Variants in ST3GAL3 observed in about 807,000 individuals in gnomAD.
The protein encoded by ST3GAL3 is ST3 beta-galactoside alpha-2,3-sialyltransferase 3.
In ST3GAL3, 21 loss-of-function variants were observed where a neutral mutation model predicts 50.1. That is an observed-to-expected ratio of 0.42 (90% CI 0.30 to 0.60). The LOEUF (loss-of-function observed/expected upper bound fraction) is 0.60. Ranked by LOEUF, ST3GAL3 falls within the 20% of genes least tolerant of loss-of-function variation. The pLI is 0.19. For synonymous variants in ST3GAL3, 183 were observed against 190.0 expected (o/e 0.96, Z 0.30); for missense variants, 353 against 489.4 (o/e 0.72, Z 2.63).
chr1:43,872,442 G>A (rs1012574831), intron 5 of ST3GAL3, among the ~76,000 whole-genome samples: 2 of 151,616 alleles, frequency 1.3e-5, no homozygotes, highest in Non-Finnish European at 2.9e-5. Flanking sequence ...GCCTCTGACC[G>A]GGCACTCCCT....
chr1:43,856,245 TAC>T (rs1475371314), intron 5 of ST3GAL3, among the ~76,000 whole-genome samples: 2 of 152,262 alleles, frequency 1.3e-5, no homozygotes, highest in Non-Finnish European at 1.5e-5. Flanking sequence ...TGTTTTTACA[TAC>T]ACACACAATC....
intron 4 of ST3GAL3, chr1:43,824,846 C>G: frequency 9.1e-7 from 1 of 1,097,718 alleles, no homozygotes; most frequent in Non-Finnish European, 1.4e-6. Flanking sequence ...TTTGAAGTCA[C>G]TGAGCGAGGA....
At position 43,930,853 on chromosome 1, in the gene ST3GAL3, G is replaced by C. The variant is rs150775241; in HGVS notation, c.*632G>C. On this transcript the variant is annotated 3_prime_UTR_variant, in exon 12 of 12. Coordinates refer to ENST00000347631, the MANE Select transcript of ST3GAL3 (RefSeq NM_006279.5). ...AGCTGTCCCATGGGGAAACCCTGGA[G>C]CCATCCCTTCGGAGCCAACAAGACC... The C allele has an allele frequency of 4.7e-4, 81 of 172,152 alleles. No homozygotes were observed. The highest frequency in any genetic ancestry group is 1.9e-3 in the African/African-American group (78 of 42,006). 10.7% of individuals were successfully genotyped at this position (172,152 alleles called of 1,614,324 possible).
At chr1:43,779,129 A>T (rs1698490188) in intron 2 of ST3GAL3, among the ~76,000 whole-genome samples, 1 of 150,566 alleles carries the variant, frequency 6.6e-6, no homozygotes, top group African/African-American at 2.5e-5. Flanking sequence ...TTTGGTAGAG[A>T]TTGGGTTTTG....
At chr1:43,738,209 CAGAG>C (rs1679297156) in intron 2 of ST3GAL3, 1 of 152,092 alleles carries the variant, frequency 6.6e-6, no homozygotes, top group Non-Finnish European at 1.5e-5. Context: ...CAAAAGAAGA[CAGAG>C]AGGCTTATTA....
At chr1:43,839,469 G>A (rs941761482) in intron 5 of ST3GAL3, 3 of 152,078 alleles carry the variant, frequency 2.0e-5, no homozygotes, top group Non-Finnish European at 2.9e-5. Context: ...TATAGGTTTC[G>A]TTTGCTTTTT....
At chr1:43,795,141 A>G (rs1475934803) in intron 3 of ST3GAL3, among the ~76,000 whole-genome samples, 1 of 152,216 alleles carries the variant, frequency 6.6e-6, no homozygotes, top group Non-Finnish European at 1.5e-5. Context: ...TGTACAGCTA[A>G]TAATGTTCAA....
intron 2 of ST3GAL3, among the ~76,000 whole-genome samples, chr1:43,756,463 T>A (rs1411398605): frequency 1.3e-5 from 2 of 152,170 alleles, no homozygotes; most frequent in East Asian, 3.8e-4. Context: ...ATATGTAAAT[T>A]ATTCCTTTAT....
chr1:43,728,232 C>G (rs1008502174), intron 1 of ST3GAL3, among the ~76,000 whole-genome samples: 5 of 152,110 alleles, frequency 3.3e-5, no homozygotes, highest in African/African-American at 7.2e-5. Flanking sequence ...CACCCTGCTT[C>G]TTGTTAGTGG....
intron 5 of ST3GAL3, among the ~76,000 whole-genome samples, chr1:43,856,920 G>A (rs897142070): frequency 2.0e-5 from 3 of 151,818 alleles, no homozygotes; most frequent in Non-Finnish European, 2.9e-5. Flanking sequence ...GTGGAGCTGC[G>A]GTAGACATCC....
In ST3GAL3 at chr1:43,816,213, T is replaced by A. The variant is rs181268877; in HGVS notation, c.209+1280T>A. Among the ~76,000 whole-genome samples the A allele has an allele frequency of 3.3e-3, 510 of 152,334 alleles. 7 individuals are homozygous for A. The highest frequency in any genetic ancestry group is 0.031 in the Admixed American group (474 of 15,300). On this transcript the variant is annotated intron_variant, in intron 4 of 11. Transcript: ENST00000347631. ...AGACCTTTTCCACAGTTGACTCTGA[T>A]GACGATGGCCACACCTACGTACAAG... is the stretch of plus-strand genomic sequence containing the variant.
intron 6 of ST3GAL3, among the ~76,000 whole-genome samples, chr1:43,897,263 A>T (rs145271112): frequency 0.014 from 2,067 of 152,216 alleles, 19 homozygotes; most frequent in Non-Finnish European, 0.018. Context: ...TGGTTATTTG[A>T]TGTTATTAAG....
At chr1:43,842,986 T>A (rs1364373942) in intron 5 of ST3GAL3, among the ~76,000 whole-genome samples, 7 of 152,216 alleles carry the variant, frequency 4.6e-5, no homozygotes, top group Non-Finnish European at 4.4e-5. Context: ...TTTATGACTT[T>A]GTGCCAGTAC....
chr1:43,792,465 G>A (rs568549229), intron 3 of ST3GAL3, among the ~76,000 whole-genome samples: 199 of 152,312 alleles, frequency 1.3e-3, no homozygotes, highest in African/African-American at 4.5e-3. Flanking sequence ...GTGGGGCAGA[G>A]GGCATTGAAA....
chr1:43,784,182 T>C (rs2056971184), intron 2 of ST3GAL3, among the ~76,000 whole-genome samples: 2 of 152,094 alleles, frequency 1.3e-5, no homozygotes, highest in Non-Finnish European at 2.9e-5. Context: ...CTCCATATCT[T>C]CCCAGTTTCT....
chr1:43,919,815 C>T (rs1217455517), intron 9 of ST3GAL3: 7 of 169,346 alleles, frequency 4.1e-5, no homozygotes, highest in East Asian at 1.6e-4. Context: ...AGAATGATCC[C>T]GTTTTATGGT....
intron 4 of ST3GAL3, among the ~76,000 whole-genome samples, chr1:43,826,284 G>T (rs1017168824): frequency 1.3e-5 from 2 of 152,074 alleles, no homozygotes; most frequent in Non-Finnish European, 2.9e-5. Flanking sequence ...GATAATAAAA[G>T]AACATTGTGA....
chr1:43,769,726 C>T (rs917096653), intron 2 of ST3GAL3, among the ~76,000 whole-genome samples: 10 of 151,898 alleles, frequency 6.6e-5, no homozygotes, highest in African/African-American at 2.2e-4. Flanking sequence ...ATTAGTCATC[C>T]GGGAAACTAC....
At chr1:43,822,603 A>C (rs1558461346) in intron 4 of ST3GAL3, among the ~76,000 whole-genome samples, 1 of 152,206 alleles carries the variant, frequency 6.6e-6, no homozygotes, top group Admixed American at 6.5e-5. Context: ...TGAGTTTAAC[A>C]CTTCTAAAAC....
Sources: gnomAD v4.1 joint callset for allele counts (sites outside exome capture counted in the v4.1 genomes callset) on GRCh38, gnomAD v4.1.1 for gene constraint, MANE v1.5 for transcripts, NCBI Gene and HGNC (gene_info 2026-07-23, HGNC 2026-07-21) for gene names.